The following RUNX2 variants were observed in gnomAD, a reference collection of about 807,000 sequenced individuals.
RUNX2 encodes RUNX family transcription factor 2, also known as runt-related transcription factor 2.
In RUNX2, 10 loss-of-function variants were observed where a neutral mutation model predicts 51.7. The ratio of observed to expected loss-of-function variants is 0.19; its 90% CI spans 0.12 to 0.33. The LOEUF (loss-of-function observed/expected upper bound fraction) is 0.33. Ranked by LOEUF, RUNX2 falls within the 10% of genes least tolerant of loss-of-function variation. The probability of loss-of-function intolerance (pLI) is 1.00; values close to 1 mark genes in which losing one functional copy is unlikely to be tolerated. For missense variants in RUNX2, 562 were observed against 691.3 expected (o/e 0.81, Z 2.10); for synonymous variants, 276 against 273.6 (o/e 1.01, Z -0.09).
At chr6:45,396,687 T>A (rs2150349554) in intron 2 of RUNX2, among the ~76,000 whole-genome samples, 1 of 152,354 alleles carries the variant, frequency 6.6e-6, no homozygotes, top group South Asian at 2.1e-4. Flanking sequence ...ATTACAGGTG[T>A]AAACCACTGT....
intron 2 of RUNX2, among the ~76,000 whole-genome samples, chr6:45,370,515 G>C (rs939645824): frequency 2.0e-5 from 3 of 152,044 alleles, no homozygotes; most frequent in African/African-American, 7.2e-5. Flanking sequence ...TGAAATAAAA[G>C]CCATGGTCAC....
intron 5 of RUNX2, among the ~76,000 whole-genome samples, chr6:45,489,941 G>A (rs1391294708): frequency 6.6e-6 from 1 of 152,164 alleles, no homozygotes; most frequent in Non-Finnish European, 1.5e-5. Flanking sequence ...TAGTTCTTAG[G>A]TGTTTCACTC....
intron 2 of RUNX2, among the ~76,000 whole-genome samples, chr6:45,415,685 C>CG (rs1798054303): frequency 9.8e-3 from 1 of 102 alleles, no homozygotes; most frequent in Non-Finnish European, 0.021. Context: ...ACTGCAGAAA[C>CG]TGCTGTGTGA....
intron 5 of RUNX2, among the ~76,000 whole-genome samples, chr6:45,463,993 A>C (rs904520374): frequency 5.9e-5 from 9 of 152,176 alleles, no homozygotes; most frequent in Non-Finnish European, 1.3e-4. Context: ...GGAGATCGAG[A>C]CCATCCTGGT....
chr6:45,404,571 C>T lies in RUNX2; in HGVS notation c.59-18022C>T, dbSNP rs1476204250. On this transcript the variant is annotated intron_variant, in intron 2 of 8. Coordinates refer to ENST00000647337, the MANE Select transcript of RUNX2 (RefSeq NM_001024630.4). ...TTGTTGTTGATTAACATGTATTAATCGATTCTTTAAAATATCTATGCAATT... is the reference window on the plus strand; with the variant it reads ...TTGTTGTTGATTAACATGTATTAATTGATTCTTTAAAATATCTATGCAATT... 3.3e-5 allele frequency among the ~76,000 whole-genome samples: 5 copies of T among 152,120 alleles called. No homozygotes were observed. In the East Asian group the frequency reaches 5.8e-4, roughly 18 times the overall value.
intron 2 of RUNX2, among the ~76,000 whole-genome samples, chr6:45,389,772 G>A (rs917917004): frequency 2.6e-5 from 4 of 152,160 alleles, no homozygotes; most frequent in Non-Finnish European, 5.9e-5. Flanking sequence ...TACTTTGGGA[G>A]GCTGAGGTGG....
At chr6:45,407,697 G>A (rs976267451) in intron 2 of RUNX2, among the ~76,000 whole-genome samples, 4 of 151,780 alleles carry the variant, frequency 2.6e-5, no homozygotes, top group Admixed American at 6.6e-5. Context: ...CAGAGGTCTC[G>A]CTATGTTGCC....
chr6:45,539,881 A>G (rs1802163076), intron 7 of RUNX2, among the ~76,000 whole-genome samples: 1 of 152,246 alleles, frequency 6.6e-6, no homozygotes, highest in African/African-American at 2.4e-5. Flanking sequence ...AAAACCAATG[A>G]TAATACTTAG....
At chr6:45,363,363 G>C (rs546452639) in intron 2 of RUNX2, among the ~76,000 whole-genome samples, 1 of 152,184 alleles carries the variant, frequency 6.6e-6, no homozygotes, top group Non-Finnish European at 1.5e-5. Flanking sequence ...TAAGATGTCT[G>C]GGATTTGCTT....
At chr6:45,400,564 T>C (rs1797692355) in intron 2 of RUNX2, among the ~76,000 whole-genome samples, 1 of 152,240 alleles carries the variant, frequency 6.6e-6, no homozygotes, top group Non-Finnish European at 1.5e-5. Context: ...TCCCCAAGAC[T>C]TCTCCAAATT....
chr6:45,334,039 C>T (rs576659909), intron 2 of RUNX2, among the ~76,000 whole-genome samples: 1 of 151,214 alleles, frequency 6.6e-6, no homozygotes, highest in East Asian at 1.9e-4. Flanking sequence ...TAACATTATT[C>T]CCAGAAATAT....
intron 2 of RUNX2, among the ~76,000 whole-genome samples, chr6:45,330,697 T>A (rs542882750): frequency 6.6e-6 from 1 of 152,066 alleles, no homozygotes; most frequent in East Asian, 1.9e-4. Context: ...GACAGGATTC[T>A]AAGCAAGGCA....
intron 5 of RUNX2, among the ~76,000 whole-genome samples, chr6:45,475,546 T>G (rs1409698509): frequency 6.6e-6 from 1 of 152,214 alleles, no homozygotes; most frequent in Non-Finnish European, 1.5e-5. Flanking sequence ...TCAGTGGTGA[T>G]CTGCTCTATT....
chr6:45,342,661 C>CT lies in RUNX2; in HGVS notation c.58+13886dup, dbSNP rs892540367. ...TACACAGTAGCAGGATTTTGGAAGCCTTTTTTTTTATTTGCCAATATTTTT... is the reference window on the plus strand; with the variant it reads ...TACACAGTAGCAGGATTTTGGAAGCCTTTTTTTTTTATTTGCCAATATTTTT... On this transcript the variant is annotated intron_variant, in intron 2 of 8. Transcript: ENST00000647337. Among the ~76,000 whole-genome samples the CT allele has an allele frequency of 4.6e-5, 7 of 151,000 alleles. No homozygotes were observed. The South Asian group carries it at 1.0e-3, about 23-fold the overall frequency.
At chr6:45,380,216 G>A (rs529546735) in intron 2 of RUNX2, among the ~76,000 whole-genome samples, 21 of 152,328 alleles carry the variant, frequency 1.4e-4, no homozygotes, top group African/African-American at 4.3e-4. Context: ...CTAAAACAGC[G>A]AAGCTGTTGC....
chr6:45,477,451 G>A (rs147816372), intron 5 of RUNX2, among the ~76,000 whole-genome samples: 78 of 152,268 alleles, frequency 5.1e-4, no homozygotes, highest in African/African-American at 1.3e-3. Context: ...CCAACACAGC[G>A]TTAGGGATTC....
intron 4 of RUNX2, among the ~76,000 whole-genome samples, chr6:45,435,412 C>T (rs1022521353): frequency 3.9e-5 from 6 of 152,262 alleles, no homozygotes; most frequent in African/African-American, 9.6e-5. Context: ...GGCTGGAGTG[C>T]GGTGGCACCA....
chr6:45,383,925 T>C (rs1797293950), intron 2 of RUNX2, among the ~76,000 whole-genome samples: 1 of 152,234 alleles, frequency 6.6e-6, no homozygotes, highest in East Asian at 1.9e-4. Context: ...TTAATAGTAA[T>C]CAGGGAACTG....
chr6:45,352,291 C>T (rs1482137464), intron 2 of RUNX2, among the ~76,000 whole-genome samples: 3 of 151,898 alleles, frequency 2.0e-5, no homozygotes, highest in African/African-American at 7.3e-5. Flanking sequence ...GTAAGCAAAC[C>T]CCTCTCAAAA....
Sources: allele counts gnomAD v4.1 joint callset (sites outside exome capture counted in the v4.1 genomes callset), GRCh38; gene constraint gnomAD v4.1.1; transcripts MANE v1.5; gene names NCBI Gene and HGNC (gene_info 2026-07-23, HGNC 2026-07-21).